SLAIN1: variants seen among roughly 807,000 people sequenced by gnomAD.
SLAIN1 encodes the protein SLAIN motif-containing protein 1.
In SLAIN1, 17 loss-of-function variants were observed where a neutral mutation model predicts 55.4. That is an observed-to-expected ratio of 0.31 (90% confidence interval 0.21 to 0.46). SLAIN1 has a LOEUF of 0.46. Among genes scored for constraint, SLAIN1 ranks in the 20% least tolerant of loss-of-function variants. SLAIN1 has a pLI of 1.00. For missense variants in SLAIN1, 682 were observed against 785.1 expected (o/e 0.87, Z 1.57); for synonymous variants, 348 against 337.4 (o/e 1.03, Z -0.35).
chr13:77,731,891 A>G (rs1316402730), intron 2 of SLAIN1, among the ~76,000 whole-genome samples: 2 of 152,106 alleles, frequency 1.3e-5, no homozygotes, highest in South Asian at 2.1e-4. Context: ...ATGTAATTGT[A>G]TTGAAATTAT....
intron 2 of SLAIN1, among the ~76,000 whole-genome samples, chr13:77,721,906 C>T (rs1453066326): frequency 2.0e-5 from 3 of 149,048 alleles, no homozygotes; most frequent in Non-Finnish European, 4.4e-5. Flanking sequence ...TTACCCACCC[C>T]GGCATTAAGT....
At chr13:77,711,225 A>AAGATCAG (rs2091146944) in intron 1 of SLAIN1, among the ~76,000 whole-genome samples, 1 of 151,214 alleles carries the variant, frequency 6.6e-6, no homozygotes, top group African/African-American at 2.4e-5. Flanking sequence ...AGAAATAACT[A>AAGATCAG]AGCAGAACTG....
intron 2 of SLAIN1, chr13:77,742,968 A>G (rs979460163): frequency 6.0e-6 from 7 of 1,169,218 alleles, no homozygotes; most frequent in African/African-American, 3.4e-5. Flanking sequence ...ACAAGTCAAC[A>G]TATGCTTCCA....
At chr13:77,738,932 T>G (rs1055359826) in intron 2 of SLAIN1, among the ~76,000 whole-genome samples, 1 of 152,120 alleles carries the variant, frequency 6.6e-6, no homozygotes, top group Non-Finnish European at 1.5e-5. Flanking sequence ...GCAGCTTTGT[T>G]GCCTTCTTGC....
chr13:77,740,536 C>A (rs902253934), intron 2 of SLAIN1, among the ~76,000 whole-genome samples: 4 of 150,550 alleles, frequency 2.7e-5, no homozygotes, highest in South Asian at 2.2e-4. Context: ...CCGCCCCCCC[C>A]CCCTTTTTTT....
chr13:77,725,962 G>T (rs541998664), intron 2 of SLAIN1, among the ~76,000 whole-genome samples: 139 of 152,286 alleles, frequency 9.1e-4, no homozygotes, highest in African/African-American at 3.2e-3. Flanking sequence ...TTCTTGCAGG[G>T]CCCAGGCCTA....
At chr13:77,707,395 A>G (rs2091101085) in intron 1 of SLAIN1, among the ~76,000 whole-genome samples, 1 of 151,920 alleles carries the variant, frequency 6.6e-6, no homozygotes, top group Non-Finnish European at 1.5e-5. Context: ...TTTCTTTTAG[A>G]TGATATAAAT....
chr13:77,703,286 A>G (rs78910164), intron 1 of SLAIN1, among the ~76,000 whole-genome samples: 10,720 of 152,244 alleles, frequency 0.07, 511 homozygotes, highest in Non-Finnish European at 0.11. Context: ...CATCTTCCAC[A>G]TGTAATACCA....
intron 4 of SLAIN1, among the ~76,000 whole-genome samples, chr13:77,749,461 TTGCCTGGA>T (rs1874061461): frequency 6.6e-6 from 1 of 152,204 alleles, no homozygotes; most frequent in Admixed American, 6.5e-5. Flanking sequence ...GGAGCCTGTG[TTGCCTGGA>T]TGCCTAGATC....
chr13:77,756,509 T>C (rs1874620070), intron 5 of SLAIN1, among the ~76,000 whole-genome samples: 1 of 152,182 alleles, frequency 6.6e-6, no homozygotes, highest in East Asian at 1.9e-4. Context: ...CAGTTTCTAC[T>C]AGTTTGCTGG....
chr13:77,754,676 C>CA (rs1874473742), intron 5 of SLAIN1, among the ~76,000 whole-genome samples: 2 of 152,194 alleles, frequency 1.3e-5, no homozygotes, highest in Non-Finnish European at 2.9e-5. Context: ...ATCACCCTAA[C>CA]ACACTTTCTC....
intron 2 of SLAIN1, among the ~76,000 whole-genome samples, chr13:77,740,338 C>T (rs1873356258): frequency 6.6e-6 from 1 of 151,920 alleles, no homozygotes; most frequent in Admixed American, 6.6e-5. Flanking sequence ...TGCGGTAGAA[C>T]TACAGAGATT....
intron 1 of SLAIN1, among the ~76,000 whole-genome samples, chr13:77,714,948 A>G (rs902665243): frequency 2.0e-5 from 3 of 151,838 alleles, no homozygotes; most frequent in African/African-American, 7.3e-5. Context: ...GCTCACTGCA[A>G]CCTCCACCTC....
intron 1 of SLAIN1, among the ~76,000 whole-genome samples, chr13:77,707,315 G>C (rs1378259847): frequency 6.6e-6 from 1 of 151,798 alleles, no homozygotes; most frequent in Non-Finnish European, 1.5e-5. Flanking sequence ...CATTTCCCAA[G>C]CATGAATAAA....
intron 1 of SLAIN1, among the ~76,000 whole-genome samples, chr13:77,705,208 T>C (rs980150307): frequency 1.3e-5 from 2 of 151,836 alleles, no homozygotes; most frequent in African/African-American, 2.4e-5. Flanking sequence ...TCATACTTCA[T>C]TGGAAACATT....
At chr13:77,747,065 ACAGGCATGTGTCATTATG>A (rs1873884873) in intron 4 of SLAIN1, among the ~76,000 whole-genome samples, 1 of 151,940 alleles carries the variant, frequency 6.6e-6, no homozygotes. Context: ...TAGCCGGGGT[ACAGGCATGTGTCATTATG>A]CCTGGCTAAT....
intron 6 of SLAIN1, 84 bp downstream of exon 6, chr13:77,761,194 A>T: frequency 2.2e-6 from 3 of 1,370,516 alleles, no homozygotes; most frequent in Non-Finnish European, 3.0e-6. Flanking sequence ...CCTTTGGCTC[A>T]CTTTAACCTT....
intron 1 of SLAIN1, among the ~76,000 whole-genome samples, chr13:77,710,019 G>C (rs889132063): frequency 5.3e-5 from 8 of 152,018 alleles, no homozygotes; most frequent in African/African-American, 1.9e-4. Flanking sequence ...TGATCTGCCA[G>C]GCTCAGCCTC....
chr13:77,751,834 A>G (rs933532709), intron 4 of SLAIN1, among the ~76,000 whole-genome samples: 9 of 152,228 alleles, frequency 5.9e-5, no homozygotes, highest in African/African-American at 2.2e-4. Flanking sequence ...TACTTGAATT[A>G]GTTTTGTCCT....
Sources: gnomAD v4.1 joint callset for allele counts (sites outside exome capture counted in the v4.1 genomes callset) on GRCh38, gnomAD v4.1.1 for gene constraint, MANE v1.5 for transcripts, NCBI Gene and HGNC (gene_info 2026-07-23, HGNC 2026-07-21) for gene names.